Variants in COL25A1 observed in about 807,000 individuals in gnomAD.
The protein encoded by COL25A1 is collagen alpha-1(XXV) chain.
In COL25A1, 103 loss-of-function variants were observed where a neutral mutation model predicts 128.4. The ratio of observed to expected loss-of-function variants is 0.80; its 90% CI spans 0.68 to 0.94. The LOEUF is 0.94. Ranked by LOEUF, COL25A1 falls within the 40% of genes least tolerant of loss-of-function variation. COL25A1 has a pLI of 0.00. For missense variants in COL25A1, 745 were observed against 840.0 expected, an observed-to-expected ratio of 0.89 and a Z score of 1.40; for synonymous variants, 279 against 277.2, an observed-to-expected ratio of 1.01 and a Z score of -0.06.
rs74344094 is a variant in COL25A1, at chr4:108,863,599, G to A, written c.1084-212C>T. On this transcript the variant is annotated intron_variant, in intron 20 of 37. Transcript: ENST00000399132. ...TTAATTTTAGGTGTCAACTTGACTGGATTAAGGGACACATAGAAAGATAAT... is the reference window on the plus strand; with the variant it reads ...TTAATTTTAGGTGTCAACTTGACTGAATTAAGGGACACATAGAAAGATAAT... 4.6e-3 allele frequency among the ~76,000 whole-genome samples: 694 copies of A among 152,250 alleles called. 14 individuals carry two copies. In the East Asian group the frequency reaches 0.062, roughly 14 times the overall value.
At chr4:108,817,506 C>T (rs1169643554) in intron 36 of COL25A1, 71 bp from the exon 37 acceptor site, 3 of 1,418,716 alleles carry the variant, frequency 2.1e-6, no homozygotes, top group Non-Finnish European at 2.9e-6. Flanking sequence ...TTCACATGCT[C>T]AGAGGCTTAA....
intron 33 of COL25A1, 67 bp downstream of exon 33, chr4:108,827,068 A>C: frequency 2.9e-5 from 40 of 1,384,674 alleles, no homozygotes; most frequent in Non-Finnish European, 3.6e-5. Flanking sequence ...GCGAAGGGTT[A>C]ACCGTGTCAG....
intron 19 of COL25A1, among the ~76,000 whole-genome samples, chr4:108,877,435 C>T (rs1393410454): frequency 6.6e-6 from 1 of 152,096 alleles, no homozygotes; most frequent in Non-Finnish European, 1.5e-5. Context: ...CCTCTTGTGT[C>T]CATAAACTGG....
At chr4:108,830,164 T>TACA (rs1240752044) in intron 32 of COL25A1, among the ~76,000 whole-genome samples, 2 of 152,236 alleles carry the variant, frequency 1.3e-5, no homozygotes, top group African/African-American at 4.8e-5. Flanking sequence ...GATTTGAATG[T>TACA]ACAACTCCTT....
intron 3 of COL25A1, among the ~76,000 whole-genome samples, chr4:109,205,808 T>C (rs966382302): frequency 3.3e-5 from 5 of 152,168 alleles, no homozygotes; most frequent in Non-Finnish European, 7.3e-5. Flanking sequence ...ACACCTTTTT[T>C]CCAAAGAGTC....
intron 3 of COL25A1, among the ~76,000 whole-genome samples, chr4:109,263,727 G>A (rs1185169397): frequency 6.6e-6 from 1 of 152,162 alleles, no homozygotes; most frequent in Admixed American, 6.5e-5. Flanking sequence ...TTCTGTCACT[G>A]AGCACTGGGC....
At chr4:108,880,013 T>C (rs1293011710) in intron 19 of COL25A1, among the ~76,000 whole-genome samples, 4 of 151,536 alleles carry the variant, frequency 2.6e-5, no homozygotes, top group African/African-American at 9.7e-5. Flanking sequence ...TTCACCTTGT[T>C]GGTCAGGCTG....
intron 8 of COL25A1, among the ~76,000 whole-genome samples, chr4:108,944,323 T>C (rs1748477664): frequency 1.3e-5 from 2 of 152,232 alleles, no homozygotes; most frequent in Admixed American, 1.3e-4. Context: ...AATTTGCTTT[T>C]GTTTTACTAT....
Position 108,811,650 on chromosome 4 carries a change from C to T in COL25A1, c.*2277G>A, listed in dbSNP as rs1730801696. On this transcript the variant is annotated 3_prime_UTR_variant, in exon 38 of 38. Transcript: ENST00000399132. ...GTTCATTTTTCCAAACCATTTAAGA[C>T]AAATTGTGTCAGACATTGAGCAATA... The T allele has an allele frequency of 6.6e-6, 1 of 152,022 alleles. No individual in the cohort carries two copies. The highest frequency in any genetic ancestry group is 1.5e-5 in the Non-Finnish European group (1 of 67,946). 9.4% of individuals were successfully genotyped at this position (152,022 alleles called of 1,614,324 possible).
At chr4:108,908,798 G>T (rs1743849336) in intron 13 of COL25A1, among the ~76,000 whole-genome samples, 2 of 152,144 alleles carry the variant, frequency 1.3e-5, no homozygotes, top group Non-Finnish European at 2.9e-5. Flanking sequence ...GGATAATTTG[G>T]TGGGTAGGGG....
intron 11 of COL25A1, 59 bp from the exon 12 acceptor site, chr4:108,920,663 C>A: frequency 7.9e-7 from 1 of 1,262,626 alleles, no homozygotes; most frequent in Non-Finnish European, 1.1e-6. Context: ...CTTAGATGAC[C>A]AATTTAAACT....
intron 5 of COL25A1, chr4:109,021,712 A>G (rs954757995): frequency 1.3e-5 from 6 of 453,210 alleles, no homozygotes. Flanking sequence ...AAGAGATATC[A>G]CCAAATTCTT....
chr4:109,014,092 A>T (rs1393177574), intron 5 of COL25A1, among the ~76,000 whole-genome samples: 1 of 152,100 alleles, frequency 6.6e-6, no homozygotes, highest in African/African-American at 2.4e-5. Context: ...GGTTCACTTG[A>T]GGTCAGGGGT....
At chr4:108,884,007 A>G (rs1560802077) in intron 19 of COL25A1, among the ~76,000 whole-genome samples, 171 bp downstream of exon 19, 2 of 152,186 alleles carry the variant, frequency 1.3e-5, no homozygotes, top group Non-Finnish European at 2.9e-5. Flanking sequence ...CAAACTTTAG[A>G]GGTATCTGTG....
In COL25A1 at chr4:109,006,378, ATTTTTTTTTTTTTTTTTTT is replaced by A. The variant is rs56845799; in HGVS notation, c.438+3961_438+3979del. 7.7e-5 allele frequency among the ~76,000 whole-genome samples: 4 copies of A among 51,874 alleles called. No homozygotes were observed. In the Admixed American group the frequency reaches 1.1e-3, roughly 15 times the overall value. 34.0% of individuals were successfully genotyped at this position (51,874 alleles called of 152,430 possible). ...AGGTGTGCACTGCCACACCCAGCTA[ATTTTTTTTTTTTTTTTTTT>A]TTTTTTTTTTTTTGGTATTTTTAGG... On this transcript the variant is annotated intron_variant, in intron 6 of 37. Transcript: ENST00000399132.
chr4:108,847,511 T>G (rs1250307427), intron 27 of COL25A1, among the ~76,000 whole-genome samples: 1 of 152,128 alleles, frequency 6.6e-6, no homozygotes, highest in Non-Finnish European at 1.5e-5. Flanking sequence ...ACCTGGATTA[T>G]TTTTAGGGAT....
intron 11 of COL25A1, among the ~76,000 whole-genome samples, chr4:108,921,428 A>T (rs925015649): frequency 6.6e-6 from 1 of 152,142 alleles, no homozygotes; most frequent in Non-Finnish European, 1.5e-5. Context: ...ACTATTAAGC[A>T]TTTTCTTCCA....
At chr4:109,216,859 T>C (rs1389115436) in intron 3 of COL25A1, among the ~76,000 whole-genome samples, 1 of 152,096 alleles carries the variant, frequency 6.6e-6, no homozygotes, top group Non-Finnish European at 1.5e-5. Flanking sequence ...GGGAAGGGTC[T>C]CAAAAACCAC....
chr4:109,097,812 C>T (rs1458776317), intron 3 of COL25A1, among the ~76,000 whole-genome samples: 2 of 151,572 alleles, frequency 1.3e-5, no homozygotes, highest in Non-Finnish European at 2.9e-5. Flanking sequence ...CACAGGTGCG[C>T]ACCACCACGC....
Sources: allele counts gnomAD v4.1 joint callset (sites outside exome capture counted in the v4.1 genomes callset), GRCh38; gene constraint gnomAD v4.1.1; transcripts MANE v1.5; gene names NCBI Gene and HGNC (gene_info 2026-07-23, HGNC 2026-07-21).